Variants in NAA60 observed in about 807,000 individuals in gnomAD.
NAA60 encodes N-alpha-acetyltransferase 60.
A neutral mutation model predicts 26.1 loss-of-function variants in NAA60; 8 were observed. The observed-to-expected ratio is 0.31, with a 90% confidence interval of 0.18 to 0.55. NAA60 has a LOEUF of 0.55. NAA60 is among the 20% of genes least tolerant of loss of function. The pLI, the probability that NAA60 is intolerant of heterozygous loss-of-function variation, is 0.93. For missense variants in NAA60, 290 were observed against 311.3 expected (o/e 0.93, Z 0.51); for synonymous variants, 131 against 122.5 (o/e 1.07, Z -0.46).
chr16:3,480,775 G>T (rs1466787783), intron 4 of NAA60, among the ~76,000 whole-genome samples: 1 of 152,032 alleles, frequency 6.6e-6, no homozygotes, highest in Admixed American at 6.6e-5. Context: ...GCATGATGGC[G>T]CTTGCCTTTA....
At chr16:3,480,468 G>A (rs1487406623) in intron 4 of NAA60, among the ~76,000 whole-genome samples, 2 of 151,414 alleles carry the variant, frequency 1.3e-5, no homozygotes, top group Non-Finnish European at 2.9e-5. Context: ...GTGGTGGCAG[G>A]CGCCTATAAT....
At chr16:3,473,749 T>TTG (rs1203211480) in intron 2 of NAA60, among the ~76,000 whole-genome samples, 1,989 of 135,964 alleles carry the variant, frequency 0.015, 51 homozygotes, top group African/African-American at 0.061. Flanking sequence ...TGTTGTTGTT[T>TTG]TTTGAGATGG....
chr16:3,465,370 C>T (rs542879156), intron 2 of NAA60, among the ~76,000 whole-genome samples: 13 of 151,160 alleles, frequency 8.6e-5, no homozygotes, highest in South Asian at 8.3e-4. Context: ...CCCGGTTTAG[C>T]GTTCTGTCCT....
At chr16:3,471,229 G>A (rs1034646539) in intron 2 of NAA60, among the ~76,000 whole-genome samples, 4 of 151,182 alleles carry the variant, frequency 2.6e-5, no homozygotes, top group Admixed American at 1.3e-4. Flanking sequence ...TGGGCCGGGC[G>A]CGGTGCTCAC....
chr16:3,483,577 C>G lies in NAA60; in HGVS notation c.552C>G (p.Gly184=), dbSNP rs1137454. The change falls in exon 6 of 8, where the codon GGC becomes GGG. Residue 184 remains glycine (G), a synonymous_variant. Transcript: ENST00000407558. ...CCTATGTCCTCTACATCAACGGCGGCCACCCTCCCTGGACGATTTTATATC... is the reference window on the plus strand; with the variant it reads ...CCTATGTCCTCTACATCAACGGCGGGCACCCTCCCTGGACGATTTTATATC... The part of the protein sequence containing the change: ...GFTYVLYING[G]HPPWTILDYI... 1,102,277 of 1,610,568 alleles carry G rather than the reference C, an allele frequency of 0.68. 377,911 individuals are homozygous for G. Among genetic ancestry groups the G allele is most frequent in the East Asian group, 0.76 (33,903 of 44,828 alleles).
At chr16:3,480,940 G>A (rs1337411451) in intron 4 of NAA60, among the ~76,000 whole-genome samples, 2 of 152,024 alleles carry the variant, frequency 1.3e-5, no homozygotes, top group African/African-American at 2.4e-5. Context: ...AAGAAGGCCT[G>A]TCTCTCCCTT....
At chr16:3,469,423 C>G (rs1272968824) in intron 2 of NAA60, among the ~76,000 whole-genome samples, 1 of 151,230 alleles carries the variant, frequency 6.6e-6, no homozygotes, top group African/African-American at 2.4e-5. Context: ...CTGCTCCCCC[C>G]AGCACTGCCC....
chr16:3,459,885 G>T (rs374320946), intron 2 of NAA60, among the ~76,000 whole-genome samples: 1 of 152,280 alleles, frequency 6.6e-6, no homozygotes, highest in Non-Finnish European at 1.5e-5. Flanking sequence ...ACTTATCTGG[G>T]TTGCTTAGCA....
chr16:3,484,552 C>T (rs1026076183), intron 6 of NAA60, 147 bp from the exon 7 acceptor site: 13 of 1,056,788 alleles, frequency 1.2e-5, no homozygotes, highest in Non-Finnish European at 1.6e-5. Context: ...GCCTTTCCAG[C>T]TCTGCAGAGG....
rs1412024609 is a variant in NAA60, at chr16:3,484,915, C to T, written c.*60C>T. Reference sequence around the variant, plus strand: ...TCGGCCGCCCGCAGAGCCCGCCTTCCTGTCCATCTGACCCCTTCTGTTTTC... The same window carrying T: ...TCGGCCGCCCGCAGAGCCCGCCTTCTTGTCCATCTGACCCCTTCTGTTTTC... On this transcript the variant is annotated 3_prime_UTR_variant, in exon 7 of 8. Transcript: ENST00000407558. 1.5e-4 allele frequency: 233 copies of T among 1,546,614 alleles called. No individual in the cohort carries two copies. The highest frequency in any genetic ancestry group is 1.9e-4 in the Non-Finnish European group (222 of 1,146,902).
intron 2 of NAA60, among the ~76,000 whole-genome samples, chr16:3,462,293 A>G (rs1049060625): frequency 6.6e-6 from 1 of 152,148 alleles, no homozygotes; most frequent in Non-Finnish European, 1.5e-5. Context: ...TAGTTGGGTA[A>G]TTCTCCCTTA....
chr16:3,482,212 C>G (rs1194324906), intron 4 of NAA60, among the ~76,000 whole-genome samples: 1 of 152,240 alleles, frequency 6.6e-6, no homozygotes, highest in African/African-American at 2.4e-5. Context: ...TTACCTTGTG[C>G]TGGCATCAGA....
chr16:3,472,821 T>C (rs1315526023), intron 2 of NAA60, among the ~76,000 whole-genome samples: 1 of 152,214 alleles, frequency 6.6e-6, no homozygotes, highest in Non-Finnish European at 1.5e-5. Context: ...TTGCCACTTT[T>C]TTGCTCCAAC....
intron 4 of NAA60, among the ~76,000 whole-genome samples, chr16:3,481,809 C>T (rs973832234): frequency 6.6e-6 from 1 of 152,180 alleles, no homozygotes; most frequent in African/African-American, 2.4e-5. Context: ...TTGAAGAGGG[C>T]TGGGAGAGCA....
At position 3,485,465 on chromosome 16, in the gene NAA60, A is replaced by C. The variant is rs1327860330; in HGVS notation, c.*207-2A>C. ...CCTGCCCTGCTCTTCTCTTTCCCAC[A>C]GGCTCTTCAGCTCCCCTCCCTGCTT... On this transcript the variant is annotated splice_acceptor_variant, in intron 7 of 7. Coordinates refer to ENST00000407558, the MANE Select transcript of NAA60 (RefSeq NM_001083601.3). LOFTEE classifies it low-confidence loss of function (3UTR_SPLICE). The C allele has an allele frequency of 1.5e-5, 7 of 457,056 alleles. No homozygotes were observed. The Admixed American group carries it at 1.6e-4, about 11-fold the overall frequency. The allele number at this position is 457,056 out of a possible 1,614,324, so 28.3% of individuals were successfully genotyped here. A position where few individuals can be genotyped will look rare whatever the true frequency, so the allele number is the denominator to read the frequency against.
Position 3,485,941 on chromosome 16 carries a change from G to T in NAA60, c.*681G>T, listed in dbSNP as rs2037126032. The T allele has an allele frequency of 3.1e-6, 1 of 322,312 alleles. No individual in the cohort carries two copies. The allele number at this position is 322,312 out of a possible 1,614,324, so 20.0% of individuals were successfully genotyped here. A position where few individuals can be genotyped will look rare whatever the true frequency, so the allele number is the denominator to read the frequency against. On this transcript the variant is annotated 3_prime_UTR_variant, in exon 8 of 8. Transcript: ENST00000407558. ...CCTACTCCTCAGCACCTTCCGTGCA[G>T]TTACCAGTGCCCTGGGAGGTCACAC...
At chr16:3,456,523 G>C (rs2035003986) in intron 2 of NAA60, among the ~76,000 whole-genome samples, 1 of 151,840 alleles carries the variant, frequency 6.6e-6, no homozygotes, top group African/African-American at 2.4e-5. Context: ...TTCACCAGTT[G>C]TTAACAATTT....
Position 3,485,667 on chromosome 16 carries a change from G to A in NAA60, c.*407G>A, listed in dbSNP as rs949023387. On this transcript the variant is annotated 3_prime_UTR_variant, in exon 8 of 8. Transcript: ENST00000407558. ...GCTGGAGGGGACTTTCTCCTGCAAG[G>A]GAGGAACGCAAGTATTATGGACACA... is the stretch of plus-strand genomic sequence containing the variant. The A allele has an allele frequency of 2.2e-6, 1 of 456,660 alleles. No homozygotes were observed. Among genetic ancestry groups the A allele is most frequent in the South Asian group, 1.5e-5 (1 of 64,570 alleles). 28.3% of individuals were successfully genotyped at this position (456,660 alleles called of 1,614,324 possible). A position where few individuals can be genotyped will look rare whatever the true frequency, so the allele number is the denominator to read the frequency against.
chr16:3,453,916 G>A lies in NAA60; in HGVS notation c.-7+5376G>A, dbSNP rs2034879935. On this transcript the variant is annotated intron_variant, in intron 2 of 7. Coordinates refer to ENST00000407558, the MANE Select transcript of NAA60 (RefSeq NM_001083601.3). ...CCTTTCCCAAATAGAGCTTGCGTAG[G>A]GCCATTGGTGTCCAGGATCCAGAGC... Among the ~76,000 whole-genome samples the A allele has an allele frequency of 1.3e-5, 2 of 152,096 alleles. 1 individual carries two copies.
Sources: allele counts gnomAD v4.1 joint callset (sites outside exome capture counted in the v4.1 genomes callset), GRCh38; gene constraint gnomAD v4.1.1; transcripts MANE v1.5; gene names NCBI Gene and HGNC (gene_info 2026-07-23, HGNC 2026-07-21).